YWHAQ: variants seen among roughly 807,000 people sequenced by gnomAD.
The protein encoded by YWHAQ is tyrosine 3-monooxygenase/tryptophan 5-monooxygenase activation protein theta, also known as 14-3-3 protein theta.
A neutral mutation model predicts 28.3 loss-of-function variants in YWHAQ; 6 were observed. That is an observed-to-expected ratio of 0.21 (90% CI 0.12 to 0.42). The LOEUF (loss-of-function observed/expected upper bound fraction) is 0.42. Among genes scored for constraint, YWHAQ ranks in the 10% least tolerant of loss-of-function variants. The probability of loss-of-function intolerance (pLI) is 1.00; values close to 1 mark genes in which losing one functional copy is unlikely to be tolerated. For synonymous variants in YWHAQ, 143 were observed against 119.1 expected (o/e 1.20, Z -1.31); for missense variants, 201 against 305.6 (o/e 0.66, Z 2.55).
At chr2:9,622,413 A>T (rs190717168) in intron 2 of YWHAQ, among the ~76,000 whole-genome samples, 1 of 152,314 alleles carries the variant, frequency 6.6e-6, no homozygotes, top group African/African-American at 2.4e-5. Flanking sequence ...TGGTCCATTC[A>T]TTTTAATGCT....
At chr2:9,629,048 A>G (rs1460563830) in intron 2 of YWHAQ, 3 of 140,248 alleles carry the variant, frequency 2.1e-5, no homozygotes, top group Admixed American at 2.1e-4. Flanking sequence ...TGAGATGAAG[A>G]AAGGCGGCTT....
intron 2 of YWHAQ, among the ~76,000 whole-genome samples, chr2:9,617,091 G>T (rs1472942380): frequency 4.0e-5 from 6 of 151,672 alleles, no homozygotes; most frequent in African/African-American, 1.5e-4. Context: ...CTCCCGAGTA[G>T]CTGGGACTAC....
At chr2:9,616,049 C>T (rs558902330) in intron 2 of YWHAQ, among the ~76,000 whole-genome samples, 6 of 152,196 alleles carry the variant, frequency 3.9e-5, no homozygotes, top group African/African-American at 9.6e-5. Context: ...GTGATTTCAG[C>T]GTGCAGAAAG....
chr2:9,619,866 T>G (rs1010851425), intron 2 of YWHAQ, among the ~76,000 whole-genome samples: 1 of 152,204 alleles, frequency 6.6e-6, no homozygotes, highest in Non-Finnish European at 1.5e-5. Context: ...AGTATAAATA[T>G]GTTTAACTGC....
At chr2:9,604,147 C>T (rs180888045) in intron 2 of YWHAQ, among the ~76,000 whole-genome samples, 3 of 151,966 alleles carry the variant, frequency 2.0e-5, no homozygotes, top group African/African-American at 4.8e-5. Context: ...ACTGAGAGAA[C>T]GGGTATATAC....
At chr2:9,605,596 C>T (rs1432914069) in intron 2 of YWHAQ, among the ~76,000 whole-genome samples, 2 of 152,170 alleles carry the variant, frequency 1.3e-5, no homozygotes, top group African/African-American at 2.4e-5. Context: ...GGTCTCAATG[C>T]ATCGCCCATG....
At chr2:9,604,295 T>A (rs1666774742) in intron 2 of YWHAQ, among the ~76,000 whole-genome samples, 1 of 152,132 alleles carries the variant, frequency 6.6e-6, no homozygotes, top group South Asian at 2.1e-4. Context: ...TTGAAAAGGT[T>A]TATCTGCACT....
At chr2:9,591,964 G>A (rs1232078635) in intron 2 of YWHAQ, among the ~76,000 whole-genome samples, 1 of 152,218 alleles carries the variant, frequency 6.6e-6, no homozygotes, top group African/African-American at 2.4e-5. Context: ...GCACACAGAT[G>A]GAGTAGCTCT....
chr2:9,598,400 A>G (rs1481417691), intron 2 of YWHAQ, among the ~76,000 whole-genome samples: 1 of 152,204 alleles, frequency 6.6e-6, no homozygotes, highest in African/African-American at 2.4e-5. Flanking sequence ...CTGTCCTAGC[A>G]GACAGATCTC....
At chr2:9,629,946 G>A (rs1207334671) in intron 2 of YWHAQ, among the ~76,000 whole-genome samples, 1 of 151,830 alleles carries the variant, frequency 6.6e-6, no homozygotes, top group East Asian at 1.9e-4. Flanking sequence ...CCCAGCATCT[G>A]GGGCGAAAAA....
In YWHAQ at chr2:9,584,448, A is replaced by G. The variant is rs1430840569; in HGVS notation, c.*838T>C. On this transcript the variant is annotated 3_prime_UTR_variant, in exon 6 of 6. Transcript: ENST00000238081. Reference sequence around the variant, plus strand: ...TCACATGTGCACAAATCTGCATGGAAAAGTACTAAAGTTTTAGACTTGGAC... The same window carrying G: ...TCACATGTGCACAAATCTGCATGGAGAAGTACTAAAGTTTTAGACTTGGAC... 1.3e-5 allele frequency: 2 copies of G among 152,604 alleles called. No individual in the cohort carries two copies. The highest frequency in any genetic ancestry group is 2.1e-4 in the South Asian group (1 of 4,830). The allele number at this position is 152,604 out of a possible 1,614,324, so 9.5% of individuals were successfully genotyped here.
chr2:9,600,510 A>G (rs951421174), intron 2 of YWHAQ, among the ~76,000 whole-genome samples: 2 of 152,128 alleles, frequency 1.3e-5, no homozygotes, highest in Non-Finnish European at 2.9e-5. Flanking sequence ...GTTCAAGACC[A>G]GCCTGACCAA....
At chr2:9,621,915 TCTCAGCAAACTAA>T (rs1233029842) in intron 2 of YWHAQ, among the ~76,000 whole-genome samples, 1 of 152,116 alleles carries the variant, frequency 6.6e-6, no homozygotes, top group African/African-American at 2.4e-5. Context: ...AAACCATCAT[TCTCAGCAAACTAA>T]CACAGGAACA....
At chr2:9,612,162 C>T (rs1666961302) in intron 2 of YWHAQ, among the ~76,000 whole-genome samples, 1 of 152,222 alleles carries the variant, frequency 6.6e-6, no homozygotes, top group Admixed American at 6.5e-5. Flanking sequence ...TTCTCAGTCT[C>T]ATTCCTATTT....
At chr2:9,586,233 G>C (rs887362287) in intron 5 of YWHAQ, among the ~76,000 whole-genome samples, 1 of 152,150 alleles carries the variant, frequency 6.6e-6, no homozygotes, top group Non-Finnish European at 1.5e-5. Context: ...GAATTAGACA[G>C]AATGTTAAAA....
chr2:9,585,456 G>C (rs1239175401), intron 5 of YWHAQ, 111 bp from the exon 6 acceptor site: 4 of 1,225,960 alleles, frequency 3.3e-6, no homozygotes, highest in Non-Finnish European at 2.3e-6. Flanking sequence ...TCAAACAATG[G>C]AGATCTTGAC....
intron 2 of YWHAQ, among the ~76,000 whole-genome samples, chr2:9,609,978 AG>A (rs1343306679): frequency 1.3e-5 from 2 of 152,234 alleles, no homozygotes; most frequent in African/African-American, 4.8e-5. Context: ...TGGCTATTAA[AG>A]CAAAGAAGTA....
chr2:9,590,006 A>C (rs900998363), intron 3 of YWHAQ, among the ~76,000 whole-genome samples: 2 of 152,140 alleles, frequency 1.3e-5, no homozygotes, highest in Non-Finnish European at 2.9e-5. Context: ...CTAATCCCTG[A>C]CTGGTACAGC....
At chr2:9,606,352 G>C (rs1263265785) in intron 2 of YWHAQ, among the ~76,000 whole-genome samples, 1 of 152,168 alleles carries the variant, frequency 6.6e-6, no homozygotes, top group Non-Finnish European at 1.5e-5. Context: ...GACTGCCTGA[G>C]CTCAGGAGTT....
Sources: gnomAD v4.1 joint callset for allele counts (sites outside exome capture counted in the v4.1 genomes callset) on GRCh38, gnomAD v4.1.1 for gene constraint, MANE v1.5 for transcripts, NCBI Gene and HGNC (gene_info 2026-07-23, HGNC 2026-07-21) for gene names.